CYTH4: variants seen among roughly 807,000 people sequenced by gnomAD.
CYTH4 encodes the protein cytohesin-4.
CYTH4 carries 22 observed loss-of-function variants against 57.5 expected under a neutral mutation model. The observed-to-expected ratio is 0.38, with a 90% CI of 0.27 to 0.55. CYTH4 has a LOEUF of 0.55. Among genes scored for constraint, CYTH4 ranks in the 20% least tolerant of loss-of-function variants. CYTH4 has a pLI of 0.74. For synonymous variants in CYTH4, 186 were observed against 206.5 expected (o/e 0.90, Z 0.85); for missense variants, 420 against 535.6 (o/e 0.78, Z 2.13).
chr22:37,301,234 G>A (rs77539556), intron 7 of CYTH4, among the ~76,000 whole-genome samples: 3,107 of 152,264 alleles, frequency 0.02, 104 homozygotes, highest in African/African-American at 0.072. Context: ...GTCAGGAGAC[G>A]ATGGCACAGG....
rs543323350 is a variant in CYTH4, at chr22:37,308,572, A to C, written c.697-640A>C. Among the ~76,000 whole-genome samples, 3 of 149,854 alleles carry C rather than the reference A, an allele frequency of 2.0e-5. No homozygotes were observed. In the East Asian group the frequency reaches 5.9e-4, roughly 30 times the overall value. ...TGTAAGTGTGCGTGTGTATACATGTATGTGTGAGCGTGTATATGTGTCTGA... is the reference window on the plus strand; with the variant it reads ...TGTAAGTGTGCGTGTGTATACATGTCTGTGTGAGCGTGTATATGTGTCTGA... On this transcript the variant is annotated intron_variant, in intron 8 of 12. Transcript: ENST00000248901.
chr22:37,306,799 C>T (rs980202741), intron 8 of CYTH4, among the ~76,000 whole-genome samples: 30 of 152,236 alleles, frequency 2.0e-4, no homozygotes, highest in African/African-American at 6.3e-4. Context: ...AGAGATGGCC[C>T]GGCCTTCCCG....
chr22:37,300,531 T>A (rs1281622214), intron 6 of CYTH4, among the ~76,000 whole-genome samples: 2 of 152,110 alleles, frequency 1.3e-5, no homozygotes, highest in Admixed American at 1.3e-4. Flanking sequence ...CTGCCCCACC[T>A]CTTCCCCAAC....
intron 1 of CYTH4, among the ~76,000 whole-genome samples, chr22:37,282,875 T>A (rs1316055114): frequency 6.6e-6 from 1 of 151,834 alleles, no homozygotes; most frequent in Non-Finnish European, 1.5e-5. Flanking sequence ...TGATGGCAGG[T>A]AGGATGAAGA....
intron 1 of CYTH4, among the ~76,000 whole-genome samples, chr22:37,286,383 C>T (rs1000952545): frequency 6.6e-6 from 1 of 152,184 alleles, no homozygotes; most frequent in Non-Finnish European, 1.5e-5. Context: ...CTTAGAAGTA[C>T]CTTTCCTTTC....
At chr22:37,313,369 C>T (rs1370479545) in intron 12 of CYTH4, 70 bp from the exon 13 acceptor site, 26 of 1,483,148 alleles carry the variant, frequency 1.8e-5, no homozygotes, top group African/African-American at 4.2e-5. Context: ...GCCCCTGATA[C>T]AAGCCCTGGG....
chr22:37,294,382 G>A (rs888444751), intron 2 of CYTH4, among the ~76,000 whole-genome samples: 1 of 152,016 alleles, frequency 6.6e-6, no homozygotes, highest in Admixed American at 6.5e-5. Context: ...GGATGGGCAA[G>A]GGATGGGGGC....
At chr22:37,305,186 G>A (rs940765796) in intron 8 of CYTH4, among the ~76,000 whole-genome samples, 3 of 152,128 alleles carry the variant, frequency 2.0e-5, no homozygotes, top group South Asian at 4.1e-4. Flanking sequence ...CTCCCAGTGA[G>A]CCCTCTTCAG....
chr22:37,303,516 C>T (rs1929274992), intron 8 of CYTH4, 114 bp downstream of exon 8: 12 of 1,379,484 alleles, frequency 8.7e-6, no homozygotes, highest in Non-Finnish European at 1.1e-5. Context: ...AGTGGGGACT[C>T]TGCTGATATG....
chr22:37,302,834 G>T (rs1163400826), intron 7 of CYTH4, among the ~76,000 whole-genome samples: 2 of 152,180 alleles, frequency 1.3e-5, no homozygotes, highest in Non-Finnish European at 2.9e-5. Flanking sequence ...AGCAGCAGTG[G>T]CTCAGCCCTG....
At chr22:37,283,581 A>G (rs1316730005) in intron 1 of CYTH4, among the ~76,000 whole-genome samples, 1 of 151,994 alleles carries the variant, frequency 6.6e-6, no homozygotes, top group Non-Finnish European at 1.5e-5. Context: ...CCCAGATGGA[A>G]GCCTCGGGCC....
chr22:37,300,949 G>C lies in CYTH4; in HGVS notation c.477G>C (p.Lys159Asn), dbSNP rs1279467262. The stretch of plus-strand genomic sequence containing the variant: ...TCCGGCTGCCGGGCGAGGCCCAGAA[G>C]ATAGACCGGATGATGGAGGCCTTTG... ...WSFRLPGEAQ[K>N]IDRMMEAFAT... is the part of the protein sequence containing the mutation. The change falls in exon 7 of 13, where the codon AAG (lysine) becomes AAC (asparagine). Residue 159 changes from lysine (K) to asparagine (N), a missense_variant. Transcript: ENST00000248901. 6.2e-7 allele frequency: 1 copy of C among 1,614,222 alleles called. No individual in the cohort carries two copies. The highest frequency in any genetic ancestry group is 8.5e-7 in the Non-Finnish European group (1 of 1,180,032).
intron 1 of CYTH4, among the ~76,000 whole-genome samples, chr22:37,283,782 G>T (rs576104425): frequency 6.6e-6 from 1 of 152,074 alleles, no homozygotes; most frequent in Non-Finnish European, 1.5e-5. Context: ...CAAAATCACA[G>T]CTCAGTGAGC....
In CYTH4 at chr22:37,295,909, T is replaced by C; in HGVS notation, c.168-90T>C. 1.4e-6 allele frequency: 2 copies of C among 1,384,840 alleles called. No individual in the cohort carries two copies. Among genetic ancestry groups the C allele is most frequent in the East Asian group, 5.0e-5 (2 of 40,228 alleles). 85.8% of individuals were successfully genotyped at this position (1,384,840 alleles called of 1,614,324 possible). On this transcript the variant is annotated intron_variant, in intron 3 of 12. Transcript: ENST00000248901. This position sits in a 1 kb window ranked among gnomAD's most constrained non-coding sequence, Gnocchi z 4.1. ...ACACTTGGAGGGCCCTAGAGGGGTA[T>C]GGGCTCCTGCTGAGGCAAGGGTCCT... is the stretch of plus-strand genomic sequence containing the variant.
chr22:37,287,315 C>T (rs1928593943), intron 1 of CYTH4, among the ~76,000 whole-genome samples: 1 of 152,084 alleles, frequency 6.6e-6, no homozygotes, highest in South Asian at 2.1e-4. Flanking sequence ...CAATTCTGGC[C>T]ATCCACACCT....
intron 2 of CYTH4, among the ~76,000 whole-genome samples, chr22:37,293,916 A>T (rs952921939): frequency 6.6e-6 from 1 of 151,784 alleles, no homozygotes; most frequent in Non-Finnish European, 1.5e-5. Flanking sequence ...CCTCTTCTGT[A>T]AAGTCCAGGG....
In CYTH4 at chr22:37,309,307, T is replaced by C. The variant is rs2145870447; in HGVS notation, c.792T>C (p.Gly264=). ...THTFFNPDRE[G]WLLKLGGRVK... The stretch of plus-strand genomic sequence containing the variant: ...CCTTCTTCAATCCAGACCGGGAGGG[T>C]TGGCTGCTCAAGCTAGGTGAGAGAC... Residue 264 remains glycine (G), a synonymous_variant, in exon 9 of 13, where the codon GGT becomes GGC. Coordinates refer to ENST00000248901, the MANE Select transcript of CYTH4 (RefSeq NM_013385.5). 6 of 1,613,776 alleles carry C rather than the reference T, an allele frequency of 3.7e-6. No homozygotes were observed. The highest frequency in any genetic ancestry group is 5.1e-6 in the Non-Finnish European group (6 of 1,179,896).
In CYTH4 at chr22:37,297,549, G is replaced by A. The variant is rs758284946; in HGVS notation, c.235-15G>A. 1 of 1,611,436 alleles carries A rather than the reference G, an allele frequency of 6.2e-7. No homozygotes were observed. The highest frequency in any genetic ancestry group is 2.2e-5 in the East Asian group (1 of 44,832). On this transcript the variant is annotated splice_polypyrimidine_tract_variant and intron_variant, in intron 4 of 12. Coordinates refer to ENST00000248901, the MANE Select transcript of CYTH4 (RefSeq NM_013385.5). Reference sequence around the variant, plus strand: ...CATGCAGCAGCTGCTCACGGCTTCTGTGTACCCCCTCCAGGGTATCCAGTA... The same window carrying A: ...CATGCAGCAGCTGCTCACGGCTTCTATGTACCCCCTCCAGGGTATCCAGTA...
chr22:37,304,197 G>GA (rs1347164881), intron 8 of CYTH4: 2 of 456,746 alleles, frequency 4.4e-6, no homozygotes, highest in South Asian at 3.1e-5. Flanking sequence ...TCCCAGAGGA[G>GA]AAGCCGGGAA....
Sources: gnomAD v4.1 joint callset for allele counts (sites outside exome capture counted in the v4.1 genomes callset) on GRCh38, gnomAD v4.1.1 for gene constraint, Gnocchi (gnomAD v3.1) non-coding constraint, MANE v1.5 for transcripts, NCBI Gene and HGNC (gene_info 2026-07-23, HGNC 2026-07-21) for gene names.